The following SMAD6 variants were observed in gnomAD, a reference collection of about 807,000 sequenced individuals.
The protein encoded by SMAD6 is MAD homolog 6.
A neutral mutation model predicts 39.4 loss-of-function variants in SMAD6; 103 were observed. The ratio of observed to expected loss-of-function variants is 2.62; its 90% confidence interval spans 2.23 to 3.08. SMAD6 has a LOEUF of 3.08. Ranked by LOEUF, SMAD6 falls within the 30% of genes most tolerant of loss-of-function variation. The pLI is 0.00. For missense variants in SMAD6, 1,104 were observed against 742.9 expected, an observed-to-expected ratio of 1.49 and a Z score of -5.65; for synonymous variants, 445 against 353.3, an observed-to-expected ratio of 1.26 and a Z score of -2.91.
At position 66,749,741 on chromosome 15, in the gene SMAD6, G is replaced by A. The variant is rs1268884433; in HGVS notation, c.953-31256G>A. Reference sequence around the variant, plus strand: ...CCAGTGAGCTCAATGCATGGTGGAAGGTGCCTGGTTGAATCCTCCTGGGTC... The same window carrying A: ...CCAGTGAGCTCAATGCATGGTGGAAAGTGCCTGGTTGAATCCTCCTGGGTC... On this transcript the variant is annotated intron_variant, in intron 3 of 3. Transcript: ENST00000288840. 2.0e-5 allele frequency among the ~76,000 whole-genome samples: 3 copies of A among 152,214 alleles called. No homozygotes were observed. The East Asian group carries it at 5.8e-4, about 29-fold the overall frequency.
intron 3 of SMAD6, among the ~76,000 whole-genome samples, chr15:66,774,990 A>G (rs1271820009): frequency 1.3e-5 from 2 of 151,718 alleles, no homozygotes; most frequent in South Asian, 2.1e-4. Context: ...CCTCCCGAAT[A>G]GTTGGGATTA....
chr15:66,720,940 C>A (rs1442578729), intron 3 of SMAD6, among the ~76,000 whole-genome samples: 1 of 152,170 alleles, frequency 6.6e-6, no homozygotes, highest in Non-Finnish European at 1.5e-5. Context: ...TTAGTGAGAG[C>A]AGGCCCTTCA....
intron 3 of SMAD6, among the ~76,000 whole-genome samples, chr15:66,741,959 T>G (rs1162953582): frequency 6.6e-6 from 1 of 152,174 alleles, no homozygotes; most frequent in Non-Finnish European, 1.5e-5. Flanking sequence ...AGGCCCTTTA[T>G]GAGTGAAGAT....
In SMAD6 at chr15:66,711,689, C is replaced by G; in HGVS notation, c.839C>G (p.Ser280Cys). 6.2e-7 allele frequency: 1 copy of G among 1,614,024 alleles called. No homozygotes were observed. The highest frequency in any genetic ancestry group is 1.1e-5 in the South Asian group (1 of 91,080). ...CCAGAATCTCCGCCACCTCCCTACT[C>G]TCGGCTGTCTCCTCGCGACGAGTAC... ...CGPESPPPPY[S>C]RLSPRDEYKP... The change falls in exon 2 of 4, where the codon TCT becomes TGT. Residue 280 changes from serine to cysteine, a missense_variant. Coordinates refer to ENST00000288840, the MANE Select transcript of SMAD6 (RefSeq NM_005585.5).
intron 1 of SMAD6, chr15:66,707,437 C>T (rs1157464077): frequency 6.6e-6 from 1 of 152,196 alleles, no homozygotes; most frequent in Non-Finnish European, 1.5e-5. Context: ...TTAGAATGGG[C>T]TAGAAAGTTT....
In SMAD6 at chr15:66,703,304, A is replaced by G; in HGVS notation, c.46A>G (p.Ser16Gly). The G allele has an allele frequency of 6.7e-7, 1 of 1,491,840 alleles. No homozygotes were observed. Among genetic ancestry groups the G allele is most frequent in the Non-Finnish European group, 8.9e-7 (1 of 1,120,120 alleles). The allele number at this position is 1,491,840 out of a possible 1,614,324, so 92.4% of individuals were successfully genotyped here. Residue 16 changes from serine (S) to glycine (G), a missense_variant, in exon 1 of 4, where the codon AGT (serine) becomes GGT (glycine). Coordinates refer to ENST00000288840, the MANE Select transcript of SMAD6 (RefSeq NM_005585.5). ...RSGLVRRLWR[S>G]RVVPDREEGG... Reference sequence around the variant, plus strand: ...GGGGCTGGTGCGGCGACTTTGGCGAAGTCGTGTGGTCCCCGACCGGGAGGA... The same window carrying G: ...GGGGCTGGTGCGGCGACTTTGGCGAGGTCGTGTGGTCCCCGACCGGGAGGA...
In SMAD6 at chr15:66,781,331, G is replaced by C; in HGVS notation, c.1287G>C (p.Lys429Asn). The C allele has an allele frequency of 1.3e-6, 2 of 1,598,432 alleles. No homozygotes were observed. Among genetic ancestry groups the C allele is most frequent in the South Asian group, 2.2e-5 (2 of 90,818 alleles). Reference protein sequence around the residue: ...APGGRALVVRKVPPGYSIKVF... With the variant: ...APGGRALVVRNVPPGYSIKVF... ...GCGGCCGCGCCCTGGTCGTGCGCAA[G>C]GTGCCCCCCGGCTACTCCATCAAGG... The change falls in exon 4 of 4, where the codon AAG becomes AAC. Residue 429 changes from lysine (K) to asparagine (N), a missense_variant. Coordinates refer to ENST00000288840, the MANE Select transcript of SMAD6 (RefSeq NM_005585.5).
In SMAD6 at chr15:66,703,764, A is replaced by G; in HGVS notation, c.506A>G (p.Glu169Gly). 2 of 1,417,162 alleles carry G rather than the reference A, an allele frequency of 1.4e-6. No individual in the cohort carries two copies. Among genetic ancestry groups the G allele is most frequent in the Non-Finnish European group, 1.9e-6 (2 of 1,073,820 alleles). 87.8% of individuals were successfully genotyped at this position (1,417,162 alleles called of 1,614,324 possible). Reference sequence around the variant, plus strand: ...GCGCGCTCGCGGCTGCTGCTGCTGGAGCAGGAACTCAAAACCGTCACGTAC... The same window carrying G: ...GCGCGCTCGCGGCTGCTGCTGCTGGGGCAGGAACTCAAAACCGTCACGTAC... ...REARSRLLLL[E>G]QELKTVTYSL... Residue 169 changes from glutamate (E) to glycine (G), a missense_variant, in exon 1 of 4, where the codon GAG becomes GGG. Physicochemically the swap from Glu to Gly is moderately conservative, Grantham distance 98. Transcript: ENST00000288840.
In SMAD6 at chr15:66,781,733, T is replaced by G; in HGVS notation, c.*198T>G. The G allele has an allele frequency of 4.8e-6, 2 of 415,092 alleles. No individual in the cohort carries two copies. Among genetic ancestry groups the G allele is most frequent in the Non-Finnish European group, 8.4e-6 (2 of 236,688 alleles). 25.7% of individuals were successfully genotyped at this position (415,092 alleles called of 1,614,324 possible). ...TAATTATGGAGTCATTTTTACAATG[T>G]AATTATTTATGTATGGTGCAATGTG... On this transcript the variant is annotated 3_prime_UTR_variant, in exon 4 of 4. Transcript: ENST00000288840.
intron 3 of SMAD6, among the ~76,000 whole-genome samples, chr15:66,761,776 C>A (rs188414564): frequency 6.6e-6 from 1 of 152,264 alleles, no homozygotes; most frequent in East Asian, 1.9e-4. Flanking sequence ...TTTAGATTCC[C>A]CTGGCTTCCT....
intron 2 of SMAD6, among the ~76,000 whole-genome samples, chr15:66,712,688 CAAAA>C (rs775687604): frequency 8.5e-4 from 42 of 49,368 alleles, no homozygotes; most frequent in Middle Eastern, 0.011. Flanking sequence ...AATTCTGTCT[CAAAA>C]AAAAAAAAAA....
intron 1 of SMAD6, chr15:66,704,754 G>A (rs973689715): frequency 6.6e-6 from 1 of 152,304 alleles, no homozygotes; most frequent in African/African-American, 2.4e-5. Context: ...TTTGTATAGA[G>A]TTTAGGGTCT....
intron 3 of SMAD6, among the ~76,000 whole-genome samples, chr15:66,746,460 C>T (rs915329789): frequency 1.6e-4 from 25 of 152,120 alleles, no homozygotes; most frequent in Admixed American, 7.9e-4. Context: ...GCCTATTGTT[C>T]CCCCTGCTGA....
chr15:66,732,196 C>T (rs1446079179), intron 3 of SMAD6, among the ~76,000 whole-genome samples: 1 of 152,172 alleles, frequency 6.6e-6, no homozygotes, highest in Non-Finnish European at 1.5e-5. Context: ...CTGCCCACCT[C>T]AGCCAAAGTG....
intron 3 of SMAD6, among the ~76,000 whole-genome samples, chr15:66,752,138 C>T (rs778457696): frequency 6.8e-6 from 1 of 147,726 alleles, no homozygotes; most frequent in East Asian, 2.1e-4. Flanking sequence ...TGCCCACTTT[C>T]AAGCTGAAGT....
chr15:66,781,116 T>G lies in SMAD6; in HGVS notation c.1072T>G (p.Tyr358Asp). ...AVYDQAVSIF[Y>D]DLPQGSGFCL... ...GTACGACCAGGCCGTCAGCATCTTC[T>G]ACGACCTACCTCAGGGCAGCGGCTT... The change falls in exon 4 of 4, where the codon TAC becomes GAC. Residue 358 changes from tyrosine (Y) to aspartate (D), a missense_variant. By Grantham distance (160) the Tyr-to-Asp change is radical. Coordinates refer to ENST00000288840, the MANE Select transcript of SMAD6 (RefSeq NM_005585.5). 6.2e-7 allele frequency: 1 copy of G among 1,609,068 alleles called. No homozygotes were observed. Among genetic ancestry groups the G allele is most frequent in the Non-Finnish European group, 8.5e-7 (1 of 1,179,750 alleles).
At chr15:66,722,432 C>T (rs776658506) in intron 3 of SMAD6, among the ~76,000 whole-genome samples, 15 of 152,212 alleles carry the variant, frequency 9.9e-5, no homozygotes, top group African/African-American at 1.2e-4. Flanking sequence ...GAACCTAGCC[C>T]GGTCCCTTTG....
chr15:66,780,059 C>A (rs1894531159), intron 3 of SMAD6, among the ~76,000 whole-genome samples: 1 of 152,182 alleles, frequency 6.6e-6, no homozygotes, highest in Non-Finnish European at 1.5e-5. Context: ...TCTTAGCTAC[C>A]CCTTTGCTAT....
chr15:66,713,243 A>C (rs1290287831), intron 2 of SMAD6, among the ~76,000 whole-genome samples: 1 of 152,218 alleles, frequency 6.6e-6, no homozygotes, highest in Non-Finnish European at 1.5e-5. Context: ...CCAAGTGACC[A>C]CAAAAAGTGG....
Sources: allele counts gnomAD v4.1 joint callset (sites outside exome capture counted in the v4.1 genomes callset), GRCh38; gene constraint gnomAD v4.1.1; transcripts MANE v1.5; gene names NCBI Gene and HGNC (gene_info 2026-07-23, HGNC 2026-07-21).